The following ASTN2 variants were observed in gnomAD, a reference collection of about 807,000 sequenced individuals.
ASTN2 encodes astrotactin-2.
ASTN2 carries 54 observed loss-of-function variants against 139.8 expected under a neutral mutation model. The observed-to-expected ratio is 0.39, with a 90% CI of 0.31 to 0.48. The LOEUF (loss-of-function observed/expected upper bound fraction) is 0.48, where lower values mean the gene tolerates loss of function less well. ASTN2 is among the 20% of genes least tolerant of loss of function. ASTN2 has a pLI of 0.95. For missense variants in ASTN2, 1,565 were observed against 1,725.1 expected (o/e 0.91, Z 1.64); for synonymous variants, 756 against 719.5 (o/e 1.05, Z -0.81).
chr9:117,075,436 G>A (rs4836976), intron 5 of ASTN2, among the ~76,000 whole-genome samples: 137,578 of 151,174 alleles, frequency 0.91, 62,724 homozygotes, highest in East Asian at 0.97. Context: ...GAAGGCTCAT[G>A]AATCCTGAAC....
chr9:116,837,302 C>T (rs964350432), intron 11 of ASTN2, among the ~76,000 whole-genome samples: 2 of 152,116 alleles, frequency 1.3e-5, no homozygotes, highest in Admixed American at 1.3e-4. Context: ...GAGTCTAACC[C>T]AGGTCAGTGC....
intron 17 of ASTN2, among the ~76,000 whole-genome samples, chr9:116,628,923 C>T (rs766306458): frequency 6.6e-5 from 10 of 152,238 alleles, no homozygotes; most frequent in Non-Finnish European, 1.0e-4. Context: ...GCATCCTCTC[C>T]GCAGAGGTCA....
intron 1 of ASTN2, among the ~76,000 whole-genome samples, chr9:117,402,775 G>C (rs1057435512): frequency 7.9e-5 from 12 of 152,100 alleles, no homozygotes; most frequent in Non-Finnish European, 8.8e-5. Context: ...CCTACATGGA[G>C]TGGGGTGGGG....
chr9:117,200,012 G>T (rs1005959213), intron 3 of ASTN2, among the ~76,000 whole-genome samples: 2 of 151,832 alleles, frequency 1.3e-5, no homozygotes, highest in Non-Finnish European at 2.9e-5. Context: ...TGCTGACATT[G>T]CTTATCAGTT....
intron 13 of ASTN2, among the ~76,000 whole-genome samples, chr9:116,788,569 C>T (rs1830441995): frequency 6.6e-6 from 1 of 152,084 alleles, no homozygotes; most frequent in Admixed American, 6.6e-5. Flanking sequence ...TGATGACAGT[C>T]AAGTCATCAG....
chr9:117,008,534 T>A (rs1056125723), intron 6 of ASTN2, among the ~76,000 whole-genome samples: 1 of 152,154 alleles, frequency 6.6e-6, no homozygotes, highest in African/African-American at 2.4e-5. Flanking sequence ...TTACTAGGCA[T>A]TGACTTTGGG....
intron 7 of ASTN2, among the ~76,000 whole-genome samples, chr9:116,998,623 A>T (rs112117500): frequency 6.6e-6 from 1 of 152,180 alleles, no homozygotes; most frequent in Admixed American, 6.5e-5. Flanking sequence ...AGATGTATTG[A>T]TACAGGAACT....
chr9:116,644,896 G>A (rs917540952), intron 17 of ASTN2, among the ~76,000 whole-genome samples: 3 of 152,140 alleles, frequency 2.0e-5, no homozygotes, highest in African/African-American at 7.2e-5. Flanking sequence ...GACCTTGGAT[G>A]AAGTTAGCCT....
intron 1 of ASTN2, among the ~76,000 whole-genome samples, chr9:117,413,176 A>T (rs1444391934): frequency 1.3e-4 from 20 of 152,210 alleles, no homozygotes; most frequent in Non-Finnish European, 2.9e-4. Context: ...GCATGAAAGG[A>T]TGGGGAGTGG....
At chr9:116,767,934 T>A (rs1829852341) in intron 13 of ASTN2, among the ~76,000 whole-genome samples, 1 of 152,190 alleles carries the variant, frequency 6.6e-6, no homozygotes, top group Non-Finnish European at 1.5e-5. Context: ...CCCATGCAAC[T>A]ATTCATAGAT....
At chr9:116,732,125 C>T (rs554607889) in intron 14 of ASTN2, among the ~76,000 whole-genome samples, 10 of 152,336 alleles carry the variant, frequency 6.6e-5, no homozygotes, top group African/African-American at 2.2e-4. Flanking sequence ...TAGCACAGGT[C>T]AGGGGTGATG....
intron 5 of ASTN2, among the ~76,000 whole-genome samples, chr9:117,080,187 T>G (rs765465419): frequency 6.6e-6 from 1 of 152,190 alleles, no homozygotes; most frequent in African/African-American, 2.4e-5. Context: ...ATATATAACA[T>G]TGTGATTCAC....
intron 16 of ASTN2, among the ~76,000 whole-genome samples, chr9:116,681,549 A>C (rs1250487900): frequency 6.6e-6 from 1 of 152,226 alleles, no homozygotes; most frequent in Admixed American, 6.5e-5. Flanking sequence ...GGAACCAAAA[A>C]AGAGCCTGCA....
At chr9:117,044,037 G>C (rs1034400701) in intron 5 of ASTN2, among the ~76,000 whole-genome samples, 5 of 152,126 alleles carry the variant, frequency 3.3e-5, no homozygotes, top group African/African-American at 1.2e-4. Flanking sequence ...TAGCCATCAG[G>C]GGTGTTGTAA....
intron 20 of ASTN2, among the ~76,000 whole-genome samples, chr9:116,453,150 T>C (rs1489189798): frequency 6.6e-6 from 1 of 151,638 alleles, no homozygotes; most frequent in Non-Finnish European, 1.5e-5. Flanking sequence ...GGGGTGGGAG[T>C]GGGACAAAGA....
intron 18 of ASTN2, 150 bp from the exon 19 acceptor site, chr9:116,618,622 A>C: frequency 2.3e-6 from 2 of 883,866 alleles, no homozygotes; most frequent in South Asian, 3.9e-5. Context: ...GACCGTAGGC[A>C]AGTTATTTCC....
intron 16 of ASTN2, among the ~76,000 whole-genome samples, chr9:116,694,342 C>T (rs916191422): frequency 2.3e-4 from 35 of 151,966 alleles, no homozygotes; most frequent in Non-Finnish European, 3.5e-4. Context: ...TGTAAGGTAA[C>T]GTTCTAGATT....
intron 5 of ASTN2, among the ~76,000 whole-genome samples, chr9:117,052,525 C>T (rs867518360): frequency 6.6e-6 from 1 of 151,850 alleles, no homozygotes; most frequent in Non-Finnish European, 1.5e-5. Flanking sequence ...TAAATTTCAT[C>T]GTCATCATCA....
At chr9:117,369,119 G>A (rs993309264) in intron 1 of ASTN2, among the ~76,000 whole-genome samples, 5 of 152,100 alleles carry the variant, frequency 3.3e-5, no homozygotes, top group Admixed American at 2.6e-4. Flanking sequence ...ATGGCTATTT[G>A]TTAAACCTGG....
Sources: gnomAD v4.1 joint callset for allele counts (sites outside exome capture counted in the v4.1 genomes callset) on GRCh38, gnomAD v4.1.1 for gene constraint, MANE v1.5 for transcripts, NCBI Gene and HGNC (gene_info 2026-07-23, HGNC 2026-07-21) for gene names.